Variants in P2RY12 observed in about 807,000 individuals in gnomAD.
The protein encoded by P2RY12 is P2Y purinoceptor 12.
P2RY12 carries 3 observed loss-of-function variants against 4.5 expected under a neutral mutation model. That is an observed-to-expected ratio of 0.67 (90% confidence interval 0.31 to 1.74). P2RY12 has a LOEUF of 1.74. Ranked by LOEUF, P2RY12 falls within the 40% of genes most tolerant of loss-of-function variation. The pLI is 0.09. For synonymous variants in P2RY12, 148 were observed against 154.1 expected, an observed-to-expected ratio of 0.96 and a Z score of 0.29; for missense variants, 356 against 407.8, an observed-to-expected ratio of 0.87 and a Z score of 1.09.
intron 1 of P2RY12, among the ~76,000 whole-genome samples, chr3:151,370,196 G>A (rs1333403564): frequency 1.3e-5 from 2 of 151,998 alleles, no homozygotes; most frequent in African/African-American, 4.8e-5. Flanking sequence ...CATTTACAGG[G>A]TAATACATTA....
intron 1 of P2RY12, among the ~76,000 whole-genome samples, chr3:151,366,625 CT>C: frequency 6.6e-6 from 1 of 152,218 alleles, no homozygotes; most frequent in South Asian, 2.1e-4. Context: ...TTGGAGTAGT[CT>C]TTGTCGTACA....
chr3:151,348,763 G>A (rs775667925), intron 1 of P2RY12, among the ~76,000 whole-genome samples: 31 of 152,186 alleles, frequency 2.0e-4, no homozygotes, highest in Non-Finnish European at 3.5e-4. Context: ...AAGACTGAGA[G>A]CCAAGTAACA....
intron 1 of P2RY12, chr3:151,367,881 TGTA>T (rs1755480636): frequency 6.6e-6 from 8 of 1,211,092 alleles, no homozygotes; most frequent in Non-Finnish European, 9.3e-6. Flanking sequence ...TGGGAAGTGG[TGTA>T]GTATCAAGGT....
At chr3:151,372,773 T>A (rs544948498) in intron 1 of P2RY12, 1 of 1,608,688 alleles carries the variant, frequency 6.2e-7, no homozygotes, top group East Asian at 2.2e-5. Context: ...ACAGGTATTC[T>A]AATTTAATTT....
chr3:151,374,051 G>A (rs998564309), intron 1 of P2RY12, among the ~76,000 whole-genome samples: 1 of 152,034 alleles, frequency 6.6e-6, no homozygotes, highest in African/African-American at 2.4e-5. Context: ...ACCCCACAAA[G>A]TTGTTCTGTG....
At chr3:151,346,025 A>G (rs1014380395) in intron 1 of P2RY12, among the ~76,000 whole-genome samples, 1 of 152,058 alleles carries the variant, frequency 6.6e-6, no homozygotes, top group Non-Finnish European at 1.5e-5. Flanking sequence ...CCAGCTCACT[A>G]CGTGCTGCTT....
intron 1 of P2RY12, among the ~76,000 whole-genome samples, chr3:151,353,166 A>G (rs1753451508): frequency 6.6e-6 from 1 of 152,252 alleles, no homozygotes; most frequent in African/African-American, 2.4e-5. Context: ...AGTAGGATCT[A>G]CTTCTTTAAG....
In P2RY12 at chr3:151,379,027, C is replaced by T. The variant is rs1008930164; in HGVS notation, c.-180+5665G>A. On this transcript the variant is annotated intron_variant, in intron 1 of 2. Transcript: ENST00000302632. ...TTGCTCCAGGACACACAGTGAAGGA[C>T]ATAAAGCCTGGGTTTAAATCCAGGA... 3.9e-5 allele frequency among the ~76,000 whole-genome samples: 6 copies of T among 152,350 alleles called. 1 individual carries two copies. In the South Asian group the frequency reaches 1.0e-3, roughly 26 times the overall value.
At chr3:151,377,819 T>A (rs1711518320) in intron 1 of P2RY12, among the ~76,000 whole-genome samples, 1 of 152,234 alleles carries the variant, frequency 6.6e-6, no homozygotes, top group Non-Finnish European at 1.5e-5. Context: ...TATTGCTTTC[T>A]GTAGGCTTAG....
At chr3:151,384,031 T>A in intron 1 of P2RY12, 1 of 1,560,468 alleles carries the variant, frequency 6.4e-7, no homozygotes, top group Non-Finnish European at 8.7e-7. Context: ...CTCAGTTAAA[T>A]AAGTGTATTT....
At chr3:151,373,826 TCAACTATTCCTCCAA>T (rs1447732617) in intron 1 of P2RY12, among the ~76,000 whole-genome samples, 1 of 152,130 alleles carries the variant, frequency 6.6e-6, no homozygotes, top group Non-Finnish European at 1.5e-5. Context: ...GGGCCTGGAA[TCAACTATTCCTCCAA>T]GGAGCCCTTG....
At chr3:151,383,718 G>A in intron 1 of P2RY12, 5 of 1,055,302 alleles carry the variant, frequency 4.7e-6, no homozygotes, top group Non-Finnish European at 7.2e-6. Flanking sequence ...ATAACATAAA[G>A]CAATGGGGTG....
At chr3:151,374,910 A>G (rs1006746120) in intron 1 of P2RY12, among the ~76,000 whole-genome samples, 1 of 152,124 alleles carries the variant, frequency 6.6e-6, no homozygotes, top group Non-Finnish European at 1.5e-5. Context: ...TCCCTCCCAT[A>G]TATTTGTTTT....
At position 151,384,143 on chromosome 3, in the gene P2RY12, T is replaced by G. The variant is rs753938275; in HGVS notation, c.-180+549A>C. On this transcript the variant is annotated intron_variant, in intron 1 of 2. Coordinates refer to ENST00000302632, the MANE Select transcript of P2RY12 (RefSeq NM_022788.5). ...TTTTAATCAATGGAACGTTAGCCTC[T>G]GACCTATCAAATGCATCCCCTGGGG... The G allele has an allele frequency of 4.3e-6, 7 of 1,614,066 alleles. No individual in the cohort carries two copies. In the South Asian group the frequency reaches 7.7e-5, roughly 18 times the overall value.
At position 151,337,708 on chromosome 3, in the gene P2RY12, CATT is replaced by C; in HGVS notation, c.*106_*108del. On this transcript the variant is annotated 3_prime_UTR_variant, in exon 3 of 3. Coordinates refer to ENST00000302632, the MANE Select transcript of P2RY12 (RefSeq NM_022788.5). ...TTGTAATCTTCTGTTTCTTTAGAGT[CATT>C]ATTATTAACTTAGTTGCTTCTTCGT... is the stretch of plus-strand genomic sequence containing the variant. 1.8e-6 allele frequency: 2 copies of C among 1,081,740 alleles called. No individual in the cohort carries two copies. Among genetic ancestry groups the C allele is most frequent in the Non-Finnish European group, 2.7e-6 (2 of 736,448 alleles). The allele number at this position is 1,081,740 out of a possible 1,614,324, so 67.0% of individuals were successfully genotyped here.
At chr3:151,347,009 T>A (rs971331233) in intron 1 of P2RY12, among the ~76,000 whole-genome samples, 1 of 152,208 alleles carries the variant, frequency 6.6e-6, no homozygotes, top group Non-Finnish European at 1.5e-5. Flanking sequence ...TAATTTTAAC[T>A]AGTGGATACA....
intron 1 of P2RY12, among the ~76,000 whole-genome samples, chr3:151,374,233 T>A (rs575171480): frequency 1.3e-5 from 2 of 152,126 alleles, no homozygotes; most frequent in African/African-American, 4.8e-5. Flanking sequence ...AAAAAATGAT[T>A]AATTAAAATA....
chr3:151,357,282 A>G (rs762301277), intron 1 of P2RY12: 9 of 1,613,604 alleles, frequency 5.6e-6, no homozygotes, highest in Non-Finnish European at 1.7e-6. Flanking sequence ...AGGAAGTTAT[A>G]CAACAGGACT....
chr3:151,355,567 C>A (rs1352887), intron 1 of P2RY12, among the ~76,000 whole-genome samples: 134,156 of 152,248 alleles, frequency 0.88, 59,346 homozygotes, highest in African/African-American at 0.97. Context: ...AATACTACGA[C>A]ATTGAGAAGA....
Sources: allele counts gnomAD v4.1 joint callset (sites outside exome capture counted in the v4.1 genomes callset), GRCh38; gene constraint gnomAD v4.1.1; transcripts MANE v1.5; gene names NCBI Gene and HGNC (gene_info 2026-07-23, HGNC 2026-07-21).